GLYATL1: variants seen among roughly 807,000 people sequenced by gnomAD.
GLYATL1 encodes glycine N-acyltransferase-like protein 1.
A neutral mutation model predicts 20.0 loss-of-function variants in GLYATL1; 15 were observed. The observed-to-expected ratio is 0.75, with a 90% CI of 0.50 to 1.15. GLYATL1 has a LOEUF of 1.15. GLYATL1 is among the 50% of genes most tolerant of loss of function. The pLI is 0.00. For synonymous variants in GLYATL1, 151 were observed against 131.5 expected (o/e 1.15, Z -1.01); for missense variants, 380 against 368.5 (o/e 1.03, Z -0.26).
At chr11:58,910,701 G>GTAGAAGT (rs1235825778), downstream of GLYATL1, among the ~76,000 whole-genome samples, 1 of 152,108 alleles carries the variant, frequency 6.6e-6, no homozygotes, top group Non-Finnish European at 1.5e-5. Context: ...TTTAGAAACA[G>GTAGAAGT]TAGAAGTTAC....
upstream of GLYATL1, among the ~76,000 whole-genome samples, chr11:58,937,383 G>C (rs1456910869): frequency 6.6e-6 from 1 of 152,168 alleles, no homozygotes; most frequent in Admixed American, 6.5e-5. Context: ...GTGTCCTCCT[G>C]TCATCTCAGA....
intron 1 of GLYATL1, among the ~76,000 whole-genome samples, chr11:58,931,811 C>G (rs1237049523): frequency 6.6e-6 from 1 of 152,094 alleles, no homozygotes; most frequent in Non-Finnish European, 1.5e-5. Context: ...TATTAAATTA[C>G]TTCTAGAATT....
intron 1 of GLYATL1, among the ~76,000 whole-genome samples, chr11:58,942,999 TAA>T (rs1215468662): frequency 6.6e-6 from 1 of 152,168 alleles, no homozygotes; most frequent in Non-Finnish European, 1.5e-5. Flanking sequence ...CTGATGGTTT[TAA>T]AAAGTGTTTC....
chr11:58,910,583 G>T (rs1040632477), downstream of GLYATL1, among the ~76,000 whole-genome samples: 16 of 152,062 alleles, frequency 1.1e-4, no homozygotes, highest in African/African-American at 3.6e-4. Flanking sequence ...ACTAGTCTAC[G>T]GCATCCACTT....
intron 1 of GLYATL1, among the ~76,000 whole-genome samples, chr11:58,942,955 T>A (rs1237128287): frequency 1.3e-5 from 2 of 152,160 alleles, no homozygotes; most frequent in Non-Finnish European, 2.9e-5. Flanking sequence ...TGAGAAGCAA[T>A]AATTGACCAC....
chr11:58,946,810 A>G, intron 2 of GLYATL1: 1 of 568,090 alleles, frequency 1.8e-6, no homozygotes, highest in Non-Finnish European at 3.1e-6. Flanking sequence ...TCTTTCCACA[A>G]GGGAGGAAGG....
chr11:58,911,933 A>G (rs980291958), downstream of GLYATL1, among the ~76,000 whole-genome samples: 2 of 152,210 alleles, frequency 1.3e-5, no homozygotes, highest in African/African-American at 4.8e-5. Flanking sequence ...GTTTTCTTCC[A>G]GAAGTTTTAT....
At chr11:58,930,153 T>C (rs1346537325) in intron 1 of GLYATL1, among the ~76,000 whole-genome samples, 1 of 152,228 alleles carries the variant, frequency 6.6e-6, no homozygotes, top group Non-Finnish European at 1.5e-5. Flanking sequence ...AATAATGTGC[T>C]ATAAAGGGCT....
At chr11:58,943,522 C>T in intron 1 of GLYATL1, 21 bp from the exon 2 acceptor site, 1 of 1,591,850 alleles carries the variant, frequency 6.3e-7, no homozygotes, top group African/African-American at 1.3e-5. Flanking sequence ...TTTAATTCAG[C>T]TGAAGTTTTT....
chr11:58,908,866 T>A (rs575755620), downstream of GLYATL1, among the ~76,000 whole-genome samples: 73 of 152,312 alleles, frequency 4.8e-4, no homozygotes, highest in African/African-American at 1.5e-3. Flanking sequence ...TAGAATTGTG[T>A]TCCATCATTT....
At chr11:58,921,140 T>C (rs914242378) in intron 1 of GLYATL1, among the ~76,000 whole-genome samples, 9 of 152,210 alleles carry the variant, frequency 5.9e-5, no homozygotes, top group South Asian at 2.1e-4. Context: ...TATAATGGCT[T>C]AGGCATGAGC....
At chr11:58,926,467 T>G (rs1175315939), upstream of GLYATL1, among the ~76,000 whole-genome samples, 1 of 152,156 alleles carries the variant, frequency 6.6e-6, no homozygotes, top group Non-Finnish European at 1.5e-5. Flanking sequence ...AGAGTAAACT[T>G]AATTGAGGCT....
intron 2 of GLYATL1, among the ~76,000 whole-genome samples, chr11:58,944,392 A>C (rs1856416572): frequency 6.6e-6 from 1 of 152,222 alleles, no homozygotes; most frequent in Non-Finnish European, 1.5e-5. Context: ...TTCTCCCTAC[A>C]AATAAAGAAA....
intron 1 of GLYATL1, among the ~76,000 whole-genome samples, chr11:58,941,842 G>C (rs760494668): frequency 1.2e-4 from 18 of 152,140 alleles, no homozygotes; most frequent in Non-Finnish European, 2.5e-4. Context: ...AATGAGATTG[G>C]GAGTTGCTGC....
At chr11:58,952,164 A>G (rs1017102232) in intron 4 of GLYATL1, among the ~76,000 whole-genome samples, 17 of 152,154 alleles carry the variant, frequency 1.1e-4, no homozygotes, top group African/African-American at 3.6e-4. Context: ...TGTTGCTCCT[A>G]CTTTCATAGA....
chr11:58,953,351 CTCTGTTTCT>C lies in GLYATL1; in HGVS notation c.187-1409_187-1401del, dbSNP rs746201537. Among the ~76,000 whole-genome samples the C allele has an allele frequency of 2.6e-4, 36 of 139,830 alleles. 1 individual carries two copies. The highest frequency in any genetic ancestry group is 1.2e-4 in the Non-Finnish European group (8 of 64,140). 91.7% of individuals were successfully genotyped at this position (139,830 alleles called of 152,430 possible). On this transcript the variant is annotated intron_variant, in intron 4 of 6. Transcript: ENST00000532726. ...TCTATTAGAAGTCTTTTGTTCTTTT[CTCTGTTTCT>C]TCTGTTTCTGTTCTCATAGCTTACA...
intron 2 of GLYATL1, chr11:58,946,760 A>G: frequency 4.4e-6 from 2 of 452,548 alleles, no homozygotes; most frequent in South Asian, 2.2e-5. Flanking sequence ...TGTTACAGGC[A>G]TTTGGGAAGC....
chr11:58,937,367 G>T (rs1646183045), upstream of GLYATL1, among the ~76,000 whole-genome samples: 1 of 152,156 alleles, frequency 6.6e-6, no homozygotes, highest in Non-Finnish European at 1.5e-5. Context: ...GGAACCACAG[G>T]TCCCAGTGTC....
At chr11:58,909,559 T>C (rs1052292111), downstream of GLYATL1, among the ~76,000 whole-genome samples, 2 of 152,172 alleles carry the variant, frequency 1.3e-5, no homozygotes, top group African/African-American at 4.8e-5. Context: ...ATTTATTCTT[T>C]TAAAAGAATG....
Sources: allele counts gnomAD v4.1 joint callset (sites outside exome capture counted in the v4.1 genomes callset), GRCh38; gene constraint gnomAD v4.1.1; transcripts MANE v1.5; gene names NCBI Gene and HGNC (gene_info 2026-07-23, HGNC 2026-07-21).